Variants in LPGAT1 observed in about 807,000 individuals in gnomAD.
The protein encoded by LPGAT1 is lysophosphatidylglycerol acyltransferase 1.
LPGAT1 carries 11 observed loss-of-function variants against 47.5 expected under a neutral mutation model. That is an observed-to-expected ratio of 0.23 (90% CI 0.15 to 0.38). The LOEUF is 0.38. Among genes scored for constraint, LPGAT1 ranks in the 10% least tolerant of loss-of-function variants. The pLI is 1.00. For missense variants in LPGAT1, 293 were observed against 439.0 expected (o/e 0.67, Z 2.97); for synonymous variants, 138 against 144.2 (o/e 0.96, Z 0.31).
intron 6 of LPGAT1, among the ~76,000 whole-genome samples, chr1:211,754,467 T>C (rs1466688357): frequency 6.6e-6 from 1 of 152,220 alleles, no homozygotes; most frequent in East Asian, 1.9e-4. Context: ...CTTGTGGGTT[T>C]ACACCTTTAA....
rs1294683740 is a variant in LPGAT1 at position 211,743,686 on chromosome 1, T to G, written c.*6213A>C. 6.6e-6 allele frequency: 1 copy of G among 152,182 alleles called. No homozygotes were observed. The highest frequency in any genetic ancestry group is 6.5e-5 in the Admixed American group (1 of 15,268). The allele number at this position is 152,182 out of a possible 1,614,324, so 9.4% of individuals were successfully genotyped here. A position where few individuals can be genotyped will look rare whatever the true frequency, so the allele number is the denominator to read the frequency against. On this transcript the variant is annotated 3_prime_UTR_variant, in exon 8 of 8. Transcript: ENST00000366997. ...CATGAGGAATAGGGCTGGTCAGCAA[T>G]AGATCTCTGAGTGCTTCCAATTTGT...
intron 2 of LPGAT1, among the ~76,000 whole-genome samples, chr1:211,795,000 A>C (rs1358566386): frequency 6.6e-6 from 1 of 152,220 alleles, no homozygotes; most frequent in Non-Finnish European, 1.5e-5. Context: ...TAGAAAGAGA[A>C]GCTAACTCAA....
intron 5 of LPGAT1, among the ~76,000 whole-genome samples, chr1:211,780,789 A>C (rs984544767): frequency 6.6e-6 from 1 of 152,242 alleles, no homozygotes; most frequent in Non-Finnish European, 1.5e-5. Context: ...ACATTAAAAA[A>C]TGAAACAACC....
At chr1:211,784,936 TGGGACTACAGGC>T (rs1658802118) in intron 4 of LPGAT1, among the ~76,000 whole-genome samples, 1 of 151,834 alleles carries the variant, frequency 6.6e-6, no homozygotes, top group South Asian at 2.1e-4. Context: ...CCCGAGTAGC[TGGGACTACAGGC>T]GCCTGCCACC....
chr1:211,769,150 A>T (rs1658059273), intron 6 of LPGAT1, among the ~76,000 whole-genome samples: 2 of 152,324 alleles, frequency 1.3e-5, no homozygotes, highest in South Asian at 4.1e-4. Context: ...GGACAAAGGT[A>T]AAAATAGGAT....
At chr1:211,811,458 T>A (rs973209974) in intron 2 of LPGAT1, among the ~76,000 whole-genome samples, 9 of 152,292 alleles carry the variant, frequency 5.9e-5, no homozygotes, top group South Asian at 4.1e-4. Flanking sequence ...GGATTTTTTT[T>A]AAAGATGGGA....
chr1:211,823,336 C>T (rs1479676237), intron 2 of LPGAT1, among the ~76,000 whole-genome samples: 1 of 152,172 alleles, frequency 6.6e-6, no homozygotes, highest in African/African-American at 2.4e-5. Context: ...CTAATATAAT[C>T]ACCACAAATA....
chr1:211,768,398 G>GT (rs1156321969), intron 6 of LPGAT1, among the ~76,000 whole-genome samples: 4 of 152,164 alleles, frequency 2.6e-5, no homozygotes, highest in African/African-American at 9.7e-5. Flanking sequence ...ACAATGAAAA[G>GT]TACGAGTCCC....
rs1364043863 is a variant in LPGAT1 at position 211,748,050 on chromosome 1, C to T, written c.*1849G>A. 6.6e-6 allele frequency: 1 copy of T among 152,470 alleles called. No individual in the cohort carries two copies. The highest frequency in any genetic ancestry group is 2.4e-5 in the African/African-American group (1 of 41,406). The allele number at this position is 152,470 out of a possible 1,614,324, so 9.4% of individuals were successfully genotyped here. Reference sequence around the variant, plus strand: ...TTATTTGGTGTTGCTTTACCTTTCCCACATAACTGGGGAAAATTCACATCT... The same window carrying T: ...TTATTTGGTGTTGCTTTACCTTTCCTACATAACTGGGGAAAATTCACATCT... On this transcript the variant is annotated 3_prime_UTR_variant, in exon 8 of 8. Transcript: ENST00000366997.
intron 2 of LPGAT1, among the ~76,000 whole-genome samples, chr1:211,801,163 C>T (rs1243698740): frequency 6.6e-6 from 1 of 152,200 alleles, no homozygotes; most frequent in African/African-American, 2.4e-5. Flanking sequence ...TCCCCACTTC[C>T]AGCTTGAAAC....
chr1:211,778,059 G>A (rs553612036), intron 6 of LPGAT1, among the ~76,000 whole-genome samples: 2 of 152,066 alleles, frequency 1.3e-5, no homozygotes, highest in Non-Finnish European at 2.9e-5. Context: ...GGAAAGGCAC[G>A]AGGCTGGGCG....
At position 211,749,205 on chromosome 1, in the gene LPGAT1, C is replaced by G. The variant is rs1657071795; in HGVS notation, c.*694G>C. On this transcript the variant is annotated 3_prime_UTR_variant, in exon 8 of 8. Coordinates refer to ENST00000366997, the MANE Select transcript of LPGAT1 (RefSeq NM_014873.3). ...TGCAAAATTATCAATTTATGATATG[C>G]CTCTGATACAAAATGAGAAGTCAGA... 6.6e-6 allele frequency: 1 copy of G among 152,638 alleles called. No individual in the cohort carries two copies. The highest frequency in any genetic ancestry group is 1.5e-5 in the Non-Finnish European group (1 of 68,068). 9.5% of individuals were successfully genotyped at this position (152,638 alleles called of 1,614,324 possible).
chr1:211,759,559 GGATTT>G (rs1179415674), intron 6 of LPGAT1, among the ~76,000 whole-genome samples: 1 of 151,876 alleles, frequency 6.6e-6, no homozygotes, highest in Non-Finnish European at 1.5e-5. Flanking sequence ...TACTGTAATT[GGATTT>G]AATTTGCTTT....
chr1:211,768,318 C>A (rs905550799), intron 6 of LPGAT1, among the ~76,000 whole-genome samples: 2 of 152,098 alleles, frequency 1.3e-5, no homozygotes, highest in East Asian at 3.9e-4. Flanking sequence ...ATTCTGTGGG[C>A]AATTTCTTTT....
intron 2 of LPGAT1, among the ~76,000 whole-genome samples, chr1:211,827,233 C>G (rs536246291): frequency 6.6e-6 from 1 of 152,288 alleles, no homozygotes; most frequent in African/African-American, 2.4e-5. Context: ...GCAGATGCTT[C>G]AGAGAGACTA....
At chr1:211,792,035 G>A (rs1659144707) in intron 3 of LPGAT1, 1 of 151,482 alleles carries the variant, frequency 6.6e-6, no homozygotes, top group South Asian at 2.1e-4. Flanking sequence ...GCTAAAGACT[G>A]AATTTATTTT....
intron 6 of LPGAT1, among the ~76,000 whole-genome samples, chr1:211,758,250 A>T (rs948924185): frequency 6.6e-6 from 1 of 152,224 alleles, no homozygotes; most frequent in African/African-American, 2.4e-5. Context: ...GGTTAGGCTC[A>T]ATTTGAGTCA....
chr1:211,829,038 G>A (rs773445530), intron 2 of LPGAT1, 21 bp downstream of exon 2: 1 of 1,607,456 alleles, frequency 6.2e-7, no homozygotes, highest in East Asian at 2.2e-5. Flanking sequence ...ATGCATTAAA[G>A]AAAAGTGTTC....
At chr1:211,763,797 C>G (rs148890936) in intron 6 of LPGAT1, among the ~76,000 whole-genome samples, 1 of 152,174 alleles carries the variant, frequency 6.6e-6, no homozygotes, top group African/African-American at 2.4e-5. Flanking sequence ...TTTCCTACTA[C>G]GGCAGGTAAG....
Sources: allele counts gnomAD v4.1 joint callset (sites outside exome capture counted in the v4.1 genomes callset), GRCh38; gene constraint gnomAD v4.1.1; transcripts MANE v1.5; gene names NCBI Gene and HGNC (gene_info 2026-07-23, HGNC 2026-07-21).